Variants in RGS5 observed in about 807,000 individuals in gnomAD.
RGS5 encodes the protein regulator of G protein signaling 5, also known as regulator of G-protein signalling 5.
A neutral mutation model predicts 18.9 loss-of-function variants in RGS5; 20 were observed. The ratio of observed to expected loss-of-function variants is 1.06; its 90% confidence interval spans 0.74 to 1.54. RGS5 has a LOEUF of 1.54. Ranked by LOEUF, RGS5 falls within the 40% of genes most tolerant of loss-of-function variation. The pLI is 0.00. For missense variants in RGS5, 201 were observed against 211.8 expected (o/e 0.95, Z 0.32); for synonymous variants, 57 against 76.2 (o/e 0.75, Z 1.31).
At chr1:163,180,851 C>T (rs1242232711) in intron 1 of RGS5, among the ~76,000 whole-genome samples, 2 of 151,830 alleles carry the variant, frequency 1.3e-5, no homozygotes, top group East Asian at 1.9e-4. Context: ...CCCGTCACTA[C>T]GCCCGGCTAA....
intron 2 of RGS5, among the ~76,000 whole-genome samples, chr1:163,289,013 T>G (rs1371526788): frequency 6.6e-6 from 1 of 152,162 alleles, no homozygotes; most frequent in Non-Finnish European, 1.5e-5. Flanking sequence ...CATCACCTCT[T>G]TCCTGGGCTA....
At chr1:163,287,283 C>T (rs1649168897) in intron 2 of RGS5, among the ~76,000 whole-genome samples, 1 of 152,144 alleles carries the variant, frequency 6.6e-6, no homozygotes, top group African/African-American at 2.4e-5. Flanking sequence ...CAGAACAGTT[C>T]CCCCTTTGAG....
chr1:163,286,038 C>T (rs757423422), intron 2 of RGS5, among the ~76,000 whole-genome samples: 8 of 149,584 alleles, frequency 5.3e-5, no homozygotes, highest in Non-Finnish European at 1.0e-4. Flanking sequence ...ACACACCCCA[C>T]TATATATATA....
At chr1:163,292,532 C>A (rs997282457) in intron 2 of RGS5, among the ~76,000 whole-genome samples, 1 of 152,138 alleles carries the variant, frequency 6.6e-6, no homozygotes, top group African/African-American at 2.4e-5. Flanking sequence ...TGGGTATATA[C>A]CAGTAATGGG....
intron 2 of RGS5, among the ~76,000 whole-genome samples, chr1:163,286,325 GGGGAGTA>G (rs1219332361): frequency 6.6e-6 from 1 of 151,962 alleles, no homozygotes; most frequent in Non-Finnish European, 1.5e-5. Flanking sequence ...TAGTATCCTC[GGGGAGTA>G]GGGAGTAGGG....
intron 2 of RGS5, among the ~76,000 whole-genome samples, chr1:163,249,376 C>T (rs1447895381): frequency 1.3e-5 from 2 of 152,184 alleles, no homozygotes; most frequent in Non-Finnish European, 2.9e-5. Context: ...TTATGTTTTT[C>T]ACAACATGAA....
At chr1:163,201,590 G>A (rs570550677) in intron 1 of RGS5, among the ~76,000 whole-genome samples, 3 of 152,126 alleles carry the variant, frequency 2.0e-5, no homozygotes, top group African/African-American at 7.2e-5. Context: ...ATAAAAAAAA[G>A]TTTGGAAGCC....
At chr1:163,281,296 G>A (rs1340176385) in intron 2 of RGS5, among the ~76,000 whole-genome samples, 1 of 152,090 alleles carries the variant, frequency 6.6e-6, no homozygotes, top group Non-Finnish European at 1.5e-5. Context: ...CTAATACATT[G>A]GGTAATTTAT....
upstream of RGS5, among the ~76,000 whole-genome samples, chr1:163,217,794 A>G (rs1660250542): frequency 6.6e-6 from 1 of 152,186 alleles, no homozygotes; most frequent in Non-Finnish European, 1.5e-5. Flanking sequence ...GGTTTATTAA[A>G]TCTTCTTATT....
chr1:163,174,393 A>C (rs538753116), intron 1 of RGS5, among the ~76,000 whole-genome samples: 1 of 152,352 alleles, frequency 6.6e-6, no homozygotes, highest in Non-Finnish European at 1.5e-5. Flanking sequence ...AAGATTTGCC[A>C]TGTAAATTGA....
At chr1:163,215,497 T>C (rs909622181) in intron 1 of RGS5, among the ~76,000 whole-genome samples, 1 of 152,152 alleles carries the variant, frequency 6.6e-6, no homozygotes, top group Non-Finnish European at 1.5e-5. Context: ...GGAAAACAGA[T>C]GGCACACTCA....
Position 163,145,670 on chromosome 1 carries a change from T to C in RGS5, c.*1672A>G, listed in dbSNP as rs1266682006. 1 of 152,184 alleles carries C rather than the reference T, an allele frequency of 6.6e-6. No individual in the cohort carries two copies. Among genetic ancestry groups the C allele is most frequent in the Non-Finnish European group, 1.5e-5 (1 of 68,038 alleles). The allele number at this position is 152,184 out of a possible 1,614,324, so 9.4% of individuals were successfully genotyped here. ...CTCTACCCAGTTTCAGAATGTGAAATGGCATGTATTCAGCAGGGCATATTA... is the reference window on the plus strand; with the variant it reads ...CTCTACCCAGTTTCAGAATGTGAAACGGCATGTATTCAGCAGGGCATATTA... On this transcript the variant is annotated 3_prime_UTR_variant, in exon 5 of 5. Coordinates refer to ENST00000313961, the MANE Select transcript of RGS5 (RefSeq NM_003617.4).
Position 163,162,062 on chromosome 1 carries a change from C to G in RGS5, c.156-86G>C, listed in dbSNP as rs1657822484. On this transcript the variant is annotated intron_variant, in intron 2 of 4. Coordinates refer to ENST00000313961, the MANE Select transcript of RGS5 (RefSeq NM_003617.4). ...CCAGCAATAACTACTTCCTGTTTCT[C>G]TTAGATGGAAATGATATGACTGCTG... is the stretch of plus-strand genomic sequence containing the variant. 44 of 899,684 alleles carry G rather than the reference C, an allele frequency of 4.9e-5. No individual in the cohort carries two copies. The South Asian group carries it at 5.9e-4, about 12-fold the overall frequency. The allele number at this position is 899,684 out of a possible 1,614,324, so 55.7% of individuals were successfully genotyped here. A position where few individuals can be genotyped will look rare whatever the true frequency, so the allele number is the denominator to read the frequency against.
intron 2 of RGS5, among the ~76,000 whole-genome samples, chr1:163,255,882 C>G (rs1488888439): frequency 3.9e-5 from 6 of 152,112 alleles, no homozygotes; most frequent in Admixed American, 6.5e-5. Flanking sequence ...TCAATAGATG[C>G]AGAAAAGGCC....
chr1:163,314,875 A>G (rs1378769360), intron 1 of RGS5, among the ~76,000 whole-genome samples: 1 of 152,222 alleles, frequency 6.6e-6, no homozygotes, highest in Non-Finnish European at 1.5e-5. Context: ...AGCCCTCACC[A>G]GACATCAAAG....
chr1:163,227,925 C>T (rs1268000970), intron 2 of RGS5, among the ~76,000 whole-genome samples: 1 of 152,198 alleles, frequency 6.6e-6, no homozygotes, highest in African/African-American at 2.4e-5. Flanking sequence ...TTGTATGTCT[C>T]ACATCCAGGT....
chr1:163,226,063 G>A (rs972466973), intron 2 of RGS5, among the ~76,000 whole-genome samples: 11 of 152,070 alleles, frequency 7.2e-5, no homozygotes, highest in African/African-American at 2.2e-4. Context: ...TGGAATTACA[G>A]GCGTGAGCCA....
chr1:163,151,605 G>A (rs1418811397), intron 4 of RGS5, among the ~76,000 whole-genome samples: 1 of 152,134 alleles, frequency 6.6e-6, no homozygotes, highest in Non-Finnish European at 1.5e-5. Context: ...GAGTTCTCAC[G>A]AGATCTGATG....
At position 163,224,234 on chromosome 1, in the gene RGS5, A is replaced by C. The variant is rs115292819; in HGVS notation, c.-280-55866T>G. Among the ~76,000 whole-genome samples the C allele has an allele frequency of 6.9e-3, 1,051 of 151,836 alleles. 12 individuals carry two copies. Among genetic ancestry groups the C allele is most frequent in the African/African-American group, 0.024 (985 of 41,388 alleles). ...TCCCCTCCCCTCCCCAGCCTCCAGT[A>C]ACCACTGTTCTACTATCTACTTCTA... On this transcript the variant is annotated intron_variant, in intron 2 of 5. Coordinates refer to the RGS5 transcript ENST00000618415.
Sources: gnomAD v4.1 joint callset for allele counts (sites outside exome capture counted in the v4.1 genomes callset) on GRCh38, gnomAD v4.1.1 for gene constraint, MANE v1.5 for transcripts, NCBI Gene and HGNC (gene_info 2026-07-23, HGNC 2026-07-21) for gene names.